The following GOLGA7B variants were observed in gnomAD, a reference collection of about 807,000 sequenced individuals.
GOLGA7B encodes golgin subfamily A member 7B.
GOLGA7B carries 17 observed loss-of-function variants against 21.5 expected under a neutral mutation model. The observed-to-expected ratio is 0.79, with a 90% confidence interval of 0.54 to 1.19. The LOEUF is 1.19. Among genes scored for constraint, GOLGA7B ranks in the 50% most tolerant of loss-of-function variants. The pLI is 0.00. For missense variants in GOLGA7B, 169 were observed against 224.4 expected (o/e 0.75, Z 1.58); for synonymous variants, 87 against 84.0 (o/e 1.04, Z -0.19).
rs1366153239 is a variant in GOLGA7B, at chr10:97,865,496, C to G, written c.394-94C>G. 11 of 1,558,908 alleles carry G rather than the reference C, an allele frequency of 7.1e-6. No individual in the cohort carries two copies. In the South Asian group the frequency reaches 1.3e-4, roughly 19 times the overall value. On this transcript the variant is annotated intron_variant, in intron 4 of 4. Transcript: ENST00000370602. ...CTGTCTAGGCAGCAGCACAAGCCCA[C>G]TTTCCCACTCCCCTGCTGGACTCCA... is the stretch of plus-strand genomic sequence containing the variant.
Position 97,865,840 on chromosome 10 carries a change from G to A in GOLGA7B, c.*140G>A. 1 of 1,262,260 alleles carries A rather than the reference G, an allele frequency of 7.9e-7. No homozygotes were observed. Among genetic ancestry groups the A allele is most frequent in the South Asian group, 1.5e-5 (1 of 64,742 alleles). The allele number at this position is 1,262,260 out of a possible 1,614,324, so 78.2% of individuals were successfully genotyped here. A position where few individuals can be genotyped will look rare whatever the true frequency, so the allele number is the denominator to read the frequency against. Reference sequence around the variant, plus strand: ...GCCCGGGGTGGGAGGGAGGGTGACGGGCCTCATATTTCCTGTGGGCCATCA... The same window carrying A: ...GCCCGGGGTGGGAGGGAGGGTGACGAGCCTCATATTTCCTGTGGGCCATCA... On this transcript the variant is annotated 3_prime_UTR_variant, in exon 5 of 5. Transcript: ENST00000370602.
At chr10:97,858,213 G>A (rs968863926) in intron 1 of GOLGA7B, among the ~76,000 whole-genome samples, 1 of 152,146 alleles carries the variant, frequency 6.6e-6, no homozygotes, top group African/African-American at 2.4e-5. Context: ...TTTTCTGAGT[G>A]AGCATTTCTG....
chr10:97,862,792 G>A (rs951161965), intron 2 of GOLGA7B, among the ~76,000 whole-genome samples: 1 of 152,166 alleles, frequency 6.6e-6, no homozygotes, highest in Non-Finnish European at 1.5e-5. Context: ...ACGGGGGTTG[G>A]GTGTGCTGGG....
In GOLGA7B at chr10:97,871,564, A is replaced by G. The variant is rs1384797388; in HGVS notation, c.*5864A>G. ...GTTCACTGATTCCCGAATAAATGCCAGGAACATTCATGTACATTATTATTC... is the reference window on the plus strand; with the variant it reads ...GTTCACTGATTCCCGAATAAATGCCGGGAACATTCATGTACATTATTATTC... On this transcript the variant is annotated 3_prime_UTR_variant, in exon 5 of 5. Transcript: ENST00000370602. 1 of 152,242 alleles carries G rather than the reference A, an allele frequency of 6.6e-6. No homozygotes were observed. 9.4% of individuals were successfully genotyped at this position (152,242 alleles called of 1,614,324 possible).
At chr10:97,850,347 C>A in intron 1 of GOLGA7B, 32 bp downstream of exon 1, 1 of 1,508,286 alleles carries the variant, frequency 6.6e-7, no homozygotes, top group Non-Finnish European at 8.9e-7. Context: ...GCAGGCAGTG[C>A]CCGATTGCCG....
chr10:97,865,302 A>G, intron 4 of GOLGA7B: 1 of 435,064 alleles, frequency 2.3e-6, no homozygotes, highest in Non-Finnish European at 4.1e-6. Flanking sequence ...AGATATGGTC[A>G]TTAGACCCAC....
intron 1 of GOLGA7B, among the ~76,000 whole-genome samples, chr10:97,852,272 T>C (rs2049909875): frequency 6.6e-6 from 1 of 152,118 alleles, no homozygotes; most frequent in African/African-American, 2.4e-5. Context: ...CAGGTCTTGA[T>C]GTGAAGCTTT....
rs2050082605 is a variant in GOLGA7B, at chr10:97,870,663, A to T, written c.*4963A>T. ...AATAGGAAAAGAAAGGACACACTTG[A>T]AATTAACGTTTTGTTAAATATCTGG... is the stretch of plus-strand genomic sequence containing the variant. On this transcript the variant is annotated 3_prime_UTR_variant, in exon 5 of 5. Coordinates refer to ENST00000370602, the MANE Select transcript of GOLGA7B (RefSeq NM_001010917.3). The T allele has an allele frequency of 1.3e-5, 2 of 152,344 alleles. No individual in the cohort carries two copies. Among genetic ancestry groups the T allele is most frequent in the South Asian group, 4.1e-4 (2 of 4,834 alleles). 9.4% of individuals were successfully genotyped at this position (152,344 alleles called of 1,614,324 possible).
At chr10:97,850,774 G>A (rs2049900720) in intron 1 of GOLGA7B, among the ~76,000 whole-genome samples, 1 of 152,158 alleles carries the variant, frequency 6.6e-6, no homozygotes, top group African/African-American at 2.4e-5. Context: ...CGGGAGGGAG[G>A]GGACAAAGAC....
chr10:97,850,537 A>T (rs1214124777), intron 1 of GOLGA7B, among the ~76,000 whole-genome samples: 15 of 152,148 alleles, frequency 9.9e-5, no homozygotes, highest in Non-Finnish European at 2.1e-4. Flanking sequence ...TGTCCGCGAC[A>T]CTTGTTGGCA....
At chr10:97,852,186 C>T (rs1429230825) in intron 1 of GOLGA7B, among the ~76,000 whole-genome samples, 2 of 152,242 alleles carry the variant, frequency 1.3e-5, no homozygotes, top group African/African-American at 4.8e-5. Context: ...CTTGAGTCTT[C>T]TGCCTCTTTG....
Position 97,865,900 on chromosome 10 carries a change from C to A in GOLGA7B, c.*200C>A. 1.2e-6 allele frequency: 1 copy of A among 866,264 alleles called. No homozygotes were observed. The highest frequency in any genetic ancestry group is 1.7e-6 in the Non-Finnish European group (1 of 594,864). 53.7% of individuals were successfully genotyped at this position (866,264 alleles called of 1,614,324 possible). On this transcript the variant is annotated 3_prime_UTR_variant, in exon 5 of 5. Coordinates refer to ENST00000370602, the MANE Select transcript of GOLGA7B (RefSeq NM_001010917.3). ...CCCTGTCCCTCACCCCCGTCTGGAT[C>A]AGTCCATTTCCTGACCTGGGGGCTT...
intron 1 of GOLGA7B, among the ~76,000 whole-genome samples, chr10:97,854,284 G>C (rs2049922051): frequency 6.6e-6 from 1 of 152,230 alleles, no homozygotes; most frequent in South Asian, 2.1e-4. Flanking sequence ...GTTTCCAGTT[G>C]AAGAAATGGA....
intron 1 of GOLGA7B, among the ~76,000 whole-genome samples, chr10:97,855,082 C>T (rs2049926970): frequency 6.6e-6 from 1 of 152,176 alleles, no homozygotes; most frequent in Admixed American, 6.6e-5. Flanking sequence ...ATTAATATAG[C>T]TGTATGCCTA....
intron 2 of GOLGA7B, among the ~76,000 whole-genome samples, chr10:97,863,576 ATCT>A (rs2049986044): frequency 6.6e-6 from 1 of 152,200 alleles, no homozygotes; most frequent in African/African-American, 2.4e-5. Context: ...TACTCGTTTG[ATCT>A]TCTGCAGAAA....
In GOLGA7B at chr10:97,865,877, C is replaced by T. The variant is rs904689566; in HGVS notation, c.*177C>T. The T allele has an allele frequency of 9.5e-7, 1 of 1,048,258 alleles. No homozygotes were observed. Among genetic ancestry groups the T allele is most frequent in the African/African-American group, 1.6e-5 (1 of 62,468 alleles). The allele number at this position is 1,048,258 out of a possible 1,614,324, so 64.9% of individuals were successfully genotyped here. A position where few individuals can be genotyped will look rare whatever the true frequency, so the allele number is the denominator to read the frequency against. ...CCTGTGGGCCATCAACCTATGCCCC[C>T]TGTCCCTCACCCCCGTCTGGATCAG... On this transcript the variant is annotated 3_prime_UTR_variant, in exon 5 of 5. Coordinates refer to ENST00000370602, the MANE Select transcript of GOLGA7B (RefSeq NM_001010917.3).
At chr10:97,852,987 G>A (rs1173624683) in intron 1 of GOLGA7B, among the ~76,000 whole-genome samples, 2 of 152,188 alleles carry the variant, frequency 1.3e-5, no homozygotes, top group African/African-American at 4.8e-5. Context: ...AAGGACAACT[G>A]GGAAGTGCCT....
chr10:97,862,270 T>TA (rs1461103357), intron 2 of GOLGA7B, among the ~76,000 whole-genome samples: 1 of 151,988 alleles, frequency 6.6e-6, no homozygotes, highest in African/African-American at 2.4e-5. Context: ...GTGTAGAAAA[T>TA]AAAAAACCAA....
At chr10:97,860,420 A>C (rs564422811) in intron 2 of GOLGA7B, among the ~76,000 whole-genome samples, 1 of 151,718 alleles carries the variant, frequency 6.6e-6, no homozygotes, top group East Asian at 1.9e-4. Flanking sequence ...TGGTGTGACC[A>C]CAGCTCCCTG....
Sources: gnomAD v4.1 joint callset for allele counts (sites outside exome capture counted in the v4.1 genomes callset) on GRCh38, gnomAD v4.1.1 for gene constraint, MANE v1.5 for transcripts, NCBI Gene and HGNC (gene_info 2026-07-23, HGNC 2026-07-21) for gene names.